ACSL4: variants seen among roughly 807,000 people sequenced by gnomAD.
The protein encoded by ACSL4 is long-chain-fatty-acid--CoA ligase 4.
Under a neutral mutation model 49.1 loss-of-function variants are expected in ACSL4, and 9 were observed. That is an observed-to-expected ratio of 0.18 (90% CI 0.11 to 0.32). The LOEUF (loss-of-function observed/expected upper bound fraction) is 0.32. ACSL4 is among the 10% of genes least tolerant of loss of function. The probability of loss-of-function intolerance (pLI) is 1.00; values close to 1 mark genes in which losing one functional copy is unlikely to be tolerated. For missense variants in ACSL4, 333 were observed against 493.7 expected (o/e 0.67, Z 3.08); for synonymous variants, 191 against 170.3 (o/e 1.12, Z -0.95).
intron 15 of ACSL4, among the ~76,000 whole-genome samples, chrX:109,654,942 G>A (rs753390984): frequency 1.8e-5 from 2 of 111,777 alleles, no homozygotes; most frequent in Non-Finnish European, 3.8e-5. Flanking sequence ...GATTCAGTGA[G>A]GGTGAGACCC....
At chrX:109,645,083 G>C (rs1188369130) in intron 15 of ACSL4, among the ~76,000 whole-genome samples, 18 of 111,117 alleles carry the variant, frequency 1.6e-4, no homozygotes, top group South Asian at 3.7e-4. Flanking sequence ...AAGGTGGCAG[G>C]GAGGCTGGGG....
Position 109,700,461 on chromosome X carries a change from C to T in ACSL4, c.-65-4265G>A, listed in dbSNP as rs772103670. On this transcript the variant is annotated intron_variant, in intron 1 of 15. Transcript: ENST00000672401. ...CTGAGACATGAGAATTACTTGAAACCGGGAGACGGAGGCTGCAGTGAGCCA... is the reference window on the plus strand; with the variant it reads ...CTGAGACATGAGAATTACTTGAAACTGGGAGACGGAGGCTGCAGTGAGCCA... Among the ~76,000 whole-genome samples, 13 of 106,869 alleles carry T rather than the reference C, an allele frequency of 1.2e-4. No homozygotes were observed. The East Asian group carries it at 1.5e-3, about 12-fold the overall frequency. 92.8% of individuals were successfully genotyped at this position (106,869 alleles called of 115,157 possible).
chrX:109,645,581 G>A (rs370695357), intron 15 of ACSL4, among the ~76,000 whole-genome samples: 1 of 112,123 alleles, frequency 8.9e-6, no homozygotes, highest in Non-Finnish European at 1.9e-5. Flanking sequence ...AAAAAACAGA[G>A]CAGAGAAACT....
At chrX:109,707,330 CAAAAG>C (rs1422853363) in intron 1 of ACSL4, among the ~76,000 whole-genome samples, 2 of 111,786 alleles carry the variant, frequency 1.8e-5, no homozygotes, top group African/African-American at 6.5e-5. Context: ...TCAGTGCTGC[CAAAAG>C]TATACAAAAA....
chrX:109,670,585 A>C (rs1337917539), intron 9 of ACSL4, among the ~76,000 whole-genome samples: 5 of 94,279 alleles, frequency 5.3e-5, no homozygotes, highest in Non-Finnish European at 1.1e-4. Flanking sequence ...ACTCCGTCTC[A>C]AAAAAAAAAA....
In ACSL4 at chrX:109,658,321, C is replaced by G. The variant is rs747237839; in HGVS notation, c.1855+1033G>C. Among the ~76,000 whole-genome samples the G allele has an allele frequency of 4.5e-5, 5 of 111,392 alleles. No homozygotes were observed. In the East Asian group the frequency reaches 8.5e-4, roughly 19 times the overall value. ...CACGCCCTCATTACTCACCACCCCC[C>G]AGTCTAGGTATCTCCTACAGTCCTC... On this transcript the variant is annotated intron_variant, in intron 15 of 15. Transcript: ENST00000672401.
chrX:109,684,395 G>A (rs1410433999), intron 2 of ACSL4, among the ~76,000 whole-genome samples: 2 of 112,558 alleles, frequency 1.8e-5, no homozygotes, highest in Non-Finnish European at 3.8e-5. Context: ...ACACAAGATA[G>A]ATCCAGTATT....
At chrX:109,682,568 T>C in intron 4 of ACSL4, 151 bp downstream of exon 4, 1 of 643,944 alleles carries the variant, frequency 1.6e-6, no homozygotes, top group South Asian at 2.4e-5. Flanking sequence ...CGGATATCTT[T>C]TAGCCACAAT....
At chrX:109,709,314 T>C (rs1380243915) in intron 1 of ACSL4, among the ~76,000 whole-genome samples, 1 of 112,161 alleles carries the variant, frequency 8.9e-6, no homozygotes, top group Non-Finnish European at 1.9e-5. Context: ...TTTCCATCAG[T>C]ACTTTCTTCT....
At chrX:109,695,270 G>A (rs1421698621) in intron 2 of ACSL4, among the ~76,000 whole-genome samples, 2 of 107,397 alleles carry the variant, frequency 1.9e-5, no homozygotes, top group African/African-American at 3.4e-5. Context: ...GCTTAAACCC[G>A]GGAGGCAGAG....
intron 15 of ACSL4, among the ~76,000 whole-genome samples, chrX:109,658,573 T>C (rs1921888529): frequency 8.9e-6 from 1 of 112,258 alleles, no homozygotes; most frequent in South Asian, 3.7e-4. Flanking sequence ...CCTCATACTT[T>C]GCACTGTACC....
intron 15 of ACSL4, among the ~76,000 whole-genome samples, chrX:109,646,587 T>C (rs1466872181): frequency 2.7e-5 from 3 of 109,337 alleles, no homozygotes; most frequent in East Asian, 5.7e-4. Flanking sequence ...GTAAAGACCA[T>C]TGAGACTAGG....
intron 2 of ACSL4, among the ~76,000 whole-genome samples, chrX:109,694,565 T>G (rs1925281902): frequency 8.9e-6 from 1 of 112,240 alleles, no homozygotes; most frequent in Middle Eastern, 4.2e-3. Context: ...TTGCCAGGCA[T>G]GAATTTTTTT....
At position 109,678,262 on chromosome X, in the gene ACSL4, T is replaced by C. The variant is rs183171123; in HGVS notation, c.806+3A>G. 1.5e-3 allele frequency: 1,875 copies of C among 1,210,205 alleles called. 2 individuals are homozygous for C. Among genetic ancestry groups the C allele is most frequent in the Non-Finnish European group, 2.0e-3 (1,780 of 895,175 alleles). The stretch of plus-strand genomic sequence containing the variant: ...TAAGAAGAAAGTTAAAGAATTATCT[T>C]ACCCCAGTCCAGGTATTCTTTCACA... On this transcript the variant is annotated splice_donor_region_variant and intron_variant, in intron 7 of 15. Transcript: ENST00000672401.
chrX:109,668,335 A>AG, intron 10 of ACSL4, 62 bp from the exon 11 acceptor site: 1 of 977,882 alleles, frequency 1.0e-6, no homozygotes, highest in Non-Finnish European at 1.4e-6. Context: ...CAACACACTA[A>AG]TTTATAAGCT....
At chrX:109,705,357 G>A (rs1274917200) in intron 1 of ACSL4, among the ~76,000 whole-genome samples, 1 of 111,980 alleles carries the variant, frequency 8.9e-6, no homozygotes, top group Non-Finnish European at 1.9e-5. Flanking sequence ...ACCAGTGACA[G>A]AGAGCAGGAT....
intron 1 of ACSL4, among the ~76,000 whole-genome samples, chrX:109,712,610 C>T (rs530910071): frequency 1.8e-5 from 2 of 111,897 alleles, no homozygotes; most frequent in South Asian, 7.4e-4. Context: ...AAATGAAGCT[C>T]GTAAGTGCCA....
intron 12 of ACSL4, among the ~76,000 whole-genome samples, chrX:109,665,012 A>C (rs1490473706): frequency 1.8e-5 from 2 of 111,590 alleles, no homozygotes; most frequent in African/African-American, 6.5e-5. Flanking sequence ...CTCAACTATG[A>C]AAATCTTTTC....
At chrX:109,679,872 G>C (rs1393721101) in intron 6 of ACSL4, among the ~76,000 whole-genome samples, 1 of 111,674 alleles carries the variant, frequency 9.0e-6, no homozygotes, top group Non-Finnish European at 1.9e-5. Flanking sequence ...CTACCAATCA[G>C]GACTTCTCAG....
Sources: allele counts gnomAD v4.1 joint callset (sites outside exome capture counted in the v4.1 genomes callset), GRCh38; gene constraint gnomAD v4.1.1; transcripts MANE v1.5; gene names NCBI Gene and HGNC (gene_info 2026-07-23, HGNC 2026-07-21).